SCLT1: variants seen among roughly 807,000 people sequenced by gnomAD.
SCLT1 encodes the protein sodium channel-associated protein 1.
A neutral mutation model predicts 112.8 loss-of-function variants in SCLT1; 78 were observed. The ratio of observed to expected loss-of-function variants is 0.69; its 90% CI spans 0.58 to 0.83. The LOEUF (loss-of-function observed/expected upper bound fraction) is 0.83. Among genes scored for constraint, SCLT1 ranks in the 40% least tolerant of loss-of-function variants. The pLI is 0.00. For synonymous variants in SCLT1, 257 were observed against 254.7 expected, an observed-to-expected ratio of 1.01 and a Z score of -0.09; for missense variants, 747 against 770.4, an observed-to-expected ratio of 0.97 and a Z score of 0.36.
chr4:129,005,940 C>G (rs1354259714), intron 5 of SCLT1, among the ~76,000 whole-genome samples: 1 of 148,334 alleles, frequency 6.7e-6, no homozygotes, highest in Non-Finnish European at 1.5e-5. Flanking sequence ...ACCGCATATT[C>G]TCACTCACAG....
intron 9 of SCLT1, among the ~76,000 whole-genome samples, chr4:128,973,612 GA>G (rs1211465367): frequency 6.6e-6 from 1 of 151,862 alleles, no homozygotes; most frequent in African/African-American, 2.4e-5. Flanking sequence ...ATTCATGTGT[GA>G]AAAATTCTAG....
intron 10 of SCLT1, among the ~76,000 whole-genome samples, 169 bp downstream of exon 10, chr4:128,970,209 A>C (rs1326128192): frequency 1.3e-5 from 2 of 152,134 alleles, no homozygotes; most frequent in East Asian, 3.8e-4. Flanking sequence ...ATTCTTTATA[A>C]AGTTGTTTTC....
chr4:128,891,140 A>G lies in SCLT1; in HGVS notation c.1830-3T>C, dbSNP rs1390979201. ...GTTTCTGTCGACTCAGCTCACTCCT[A>G]TTAAGAGCACCAAAAAATCCATTAA... is the stretch of plus-strand genomic sequence containing the variant. On this transcript the variant is annotated splice_region_variant and splice_polypyrimidine_tract_variant and intron_variant, in intron 18 of 20. Transcript: ENST00000281142. 1 of 1,606,794 alleles carries G rather than the reference A, an allele frequency of 6.2e-7. No individual in the cohort carries two copies. The highest frequency in any genetic ancestry group is 1.3e-5 in the African/African-American group (1 of 74,766).
intron 18 of SCLT1, among the ~76,000 whole-genome samples, chr4:128,922,738 G>C (rs1050684595): frequency 6.6e-6 from 1 of 151,822 alleles, no homozygotes; most frequent in Admixed American, 6.6e-5. Flanking sequence ...CCAAACCCTT[G>C]TGACATGCAA....
At chr4:129,054,441 G>A (rs925881164) in intron 2 of SCLT1, among the ~76,000 whole-genome samples, 1 of 151,864 alleles carries the variant, frequency 6.6e-6, no homozygotes, top group African/African-American at 2.4e-5. Flanking sequence ...GGAGGCTTTG[G>A]TCCTTGCTTT....
intron 2 of SCLT1, among the ~76,000 whole-genome samples, chr4:129,072,983 C>A (rs1255582359): frequency 6.6e-6 from 1 of 152,018 alleles, no homozygotes; most frequent in Non-Finnish European, 1.5e-5. Context: ...ATTCTTTTGT[C>A]CCTTGGGGTG....
intron 18 of SCLT1, among the ~76,000 whole-genome samples, chr4:128,912,302 T>TG (rs1446656507): frequency 2.6e-5 from 4 of 152,180 alleles, no homozygotes; most frequent in Non-Finnish European, 5.9e-5. Flanking sequence ...CCCAGAGATA[T>TG]GGAAGTACCA....
At chr4:128,892,130 TTA>T (rs1733376556) in intron 18 of SCLT1, among the ~76,000 whole-genome samples, 1 of 152,236 alleles carries the variant, frequency 6.6e-6, no homozygotes, top group South Asian at 2.1e-4. Context: ...TTAGCTGAAA[TTA>T]TCTTACGCAC....
At chr4:128,888,283 C>T (rs1227816496) in intron 20 of SCLT1, among the ~76,000 whole-genome samples, 2 of 151,264 alleles carry the variant, frequency 1.3e-5, no homozygotes, top group Non-Finnish European at 2.9e-5. Flanking sequence ...GTAGCACAAA[C>T]GTGGCTCACT....
chr4:129,018,632 A>G (rs950539516), intron 5 of SCLT1, among the ~76,000 whole-genome samples: 2 of 152,240 alleles, frequency 1.3e-5, no homozygotes, highest in African/African-American at 4.8e-5. Context: ...TAGTTTATGC[A>G]TGAAAGATAA....
intron 2 of SCLT1, among the ~76,000 whole-genome samples, chr4:129,054,899 G>A (rs543640144): frequency 1.3e-5 from 2 of 152,226 alleles, no homozygotes; most frequent in South Asian, 4.1e-4. Flanking sequence ...TATCTACGTG[G>A]TGGATTTGAT....
chr4:128,953,798 C>CAAAAAAAA (rs1234272239), intron 13 of SCLT1, among the ~76,000 whole-genome samples: 1 of 84,282 alleles, frequency 1.2e-5, no homozygotes. Flanking sequence ...GACTCCATCT[C>CAAAAAAAA]AAAAAAAAAA....
intron 5 of SCLT1, among the ~76,000 whole-genome samples, chr4:129,029,207 G>A (rs1213635743): frequency 6.6e-6 from 1 of 151,966 alleles, no homozygotes; most frequent in Non-Finnish European, 1.5e-5. Flanking sequence ...AAATCATGCT[G>A]GTATAAAGAC....
chr4:128,987,871 C>G (rs1239219210), intron 9 of SCLT1, among the ~76,000 whole-genome samples: 1 of 152,104 alleles, frequency 6.6e-6, no homozygotes, highest in African/African-American at 2.4e-5. Flanking sequence ...ACAAATAAGA[C>G]TACTTCAGGA....
At chr4:128,929,383 G>A (rs1278618621) in intron 18 of SCLT1, among the ~76,000 whole-genome samples, 1 of 152,094 alleles carries the variant, frequency 6.6e-6, no homozygotes, top group Non-Finnish European at 1.5e-5. Context: ...TATGTTGCTT[G>A]TTCTAAATTT....
In SCLT1 at chr4:128,943,009, T is replaced by C. The variant is rs1043717124; in HGVS notation, c.1619A>G (p.Lys540Arg). ...TCTTGAAAATACCTTTACTTTGGCT[T>C]TTTTTTGAGCCTCCAGGGCAATCTT... ...LRKIALEAQK[K>R]AKVKISTMEH... The change falls in exon 17 of 21, where the codon AAA becomes AGA. Residue 540 changes from lysine (K) to arginine (R), a missense_variant. By Grantham distance (26) the Lys-to-Arg change is conservative. Around this residue, in one of 2 missense-constraint regions of SCLT1, gnomAD observed 723 missense variants for 721.3 expected, o/e 1.00. Transcript: ENST00000281142. 6.9e-6 allele frequency: 11 copies of C among 1,605,368 alleles called. No homozygotes were observed. The African/African-American group carries it at 1.5e-4, about 22-fold the overall frequency.
chr4:128,984,694 A>C (rs1420836132), intron 9 of SCLT1, among the ~76,000 whole-genome samples: 2 of 152,130 alleles, frequency 1.3e-5, no homozygotes, highest in African/African-American at 4.8e-5. Flanking sequence ...TACATATGCC[A>C]AAAATCTTAT....
chr4:128,940,756 GT>G (rs975861015), intron 17 of SCLT1, among the ~76,000 whole-genome samples: 1 of 151,336 alleles, frequency 6.6e-6, no homozygotes, highest in Admixed American at 6.6e-5. Context: ...TTTTTTTAAT[GT>G]TTTGTATTTT....
intron 7 of SCLT1, 146 bp downstream of exon 7, chr4:128,999,526 G>T (rs376075376): frequency 1.1e-5 from 5 of 460,024 alleles, no homozygotes; most frequent in Admixed American, 3.9e-5. Context: ...AACCATCAAA[G>T]ATCTATATAT....
Sources: allele counts gnomAD v4.1 joint callset (sites outside exome capture counted in the v4.1 genomes callset), GRCh38; gene constraint gnomAD v4.1.1; regional missense constraint gnomAD v4.1.1; transcripts MANE v1.5; gene names NCBI Gene and HGNC (gene_info 2026-07-23, HGNC 2026-07-21).